The following NBEA variants were observed in gnomAD, a reference collection of about 807,000 sequenced individuals.
The protein encoded by NBEA is lysosomal-trafficking regulator 2.
Under a neutral mutation model 343.4 loss-of-function variants are expected in NBEA, and 44 were observed. That is an observed-to-expected ratio of 0.13 (90% confidence interval 0.10 to 0.16). NBEA has a LOEUF of 0.16. Among genes scored for constraint, NBEA ranks in the 10% least tolerant of loss-of-function variants. NBEA has a pLI of 1.00. For synonymous variants in NBEA, 1,175 were observed against 1,238.7 expected (o/e 0.95, Z 1.08); for missense variants, 2,555 against 3,631.3 (o/e 0.70, Z 7.62).
chr13:35,661,590 TG>T (rs1191184867), intron 55 of NBEA, among the ~76,000 whole-genome samples: 1 of 152,130 alleles, frequency 6.6e-6, no homozygotes, highest in Non-Finnish European at 1.5e-5. Context: ...ATTTGATACT[TG>T]GAACAGACCT....
chr13:35,308,756 A>G (rs1233732986), intron 35 of NBEA, among the ~76,000 whole-genome samples: 1 of 150,004 alleles, frequency 6.7e-6, no homozygotes, highest in African/African-American at 2.4e-5. Context: ...AATCACTAGC[A>G]TAAACCAAAA....
chr13:35,518,982 T>C (rs906556953), intron 41 of NBEA, among the ~76,000 whole-genome samples: 3 of 152,170 alleles, frequency 2.0e-5, no homozygotes, highest in Non-Finnish European at 2.9e-5. Context: ...TCTCTTCCCT[T>C]TGCATTAAGC....
At chr13:35,219,763 C>CT (rs957459472) in intron 33 of NBEA, among the ~76,000 whole-genome samples, 68 of 152,226 alleles carry the variant, frequency 4.5e-4, no homozygotes, top group African/African-American at 1.5e-3. Flanking sequence ...ATGTTTCCGT[C>CT]TGAGTCCAAA....
In NBEA at chr13:35,177,089, G is replaced by T; in HGVS notation, c.4648G>T (p.Val1550Phe). The change falls in exon 28 of 59, where the codon GTC becomes TTC. Residue 1550 changes from valine to phenylalanine, a missense_variant. Physicochemically the swap from Val to Phe is conservative, Grantham distance 50. Coordinates refer to ENST00000379939, the MANE Select transcript of NBEA (RefSeq NM_001385012.1). ...TGATATCAATCGCCTTCGTGCTGTT[G>T]TCTTTCGGGATGTGGTAAGTTATAC... ...DVDINRLRAV[V>F]FRDVDDSKQA... 6.3e-7 allele frequency: 1 copy of T among 1,598,530 alleles called. No homozygotes were observed.
chr13:35,156,822 G>T (rs750224450), intron 20 of NBEA, among the ~76,000 whole-genome samples: 1 of 152,132 alleles, frequency 6.6e-6, no homozygotes, highest in Non-Finnish European at 1.5e-5. Flanking sequence ...AAGGTGGTGA[G>T]AAAGTAGAGA....
intron 36 of NBEA, among the ~76,000 whole-genome samples, chr13:35,326,641 C>A (rs1258188861): frequency 6.6e-6 from 1 of 151,844 alleles, no homozygotes; most frequent in South Asian, 2.1e-4. Flanking sequence ...ATTATCTTGC[C>A]TGATTGCTCT....
intron 29 of NBEA, 123 bp from the exon 30 acceptor site, chr13:35,183,853 C>A: frequency 5.2e-6 from 3 of 580,012 alleles, no homozygotes; most frequent in Non-Finnish European, 9.1e-6. Context: ...TTCAGAGATG[C>A]ATTCGTTATT....
chr13:35,366,492 T>C (rs2041121785), intron 38 of NBEA, among the ~76,000 whole-genome samples: 1 of 151,328 alleles, frequency 6.6e-6, no homozygotes, highest in Admixed American at 6.6e-5. Context: ...TTGGTATACC[T>C]ATGATTATAA....
intron 7 of NBEA, among the ~76,000 whole-genome samples, chr13:35,056,766 G>T (rs949726133): frequency 1.3e-5 from 2 of 152,090 alleles, no homozygotes; most frequent in Non-Finnish European, 2.9e-5. Flanking sequence ...GCCTTCATAA[G>T]CAAACAAGGC....
intron 22 of NBEA, among the ~76,000 whole-genome samples, chr13:35,161,302 G>A (rs1213929874): frequency 6.6e-6 from 1 of 152,156 alleles, no homozygotes; most frequent in Non-Finnish European, 1.5e-5. Context: ...AGTACTGTAA[G>A]TGAAACAGAC....
intron 35 of NBEA, among the ~76,000 whole-genome samples, chr13:35,294,598 T>A (rs1175553202): frequency 6.6e-6 from 1 of 152,186 alleles, no homozygotes; most frequent in African/African-American, 2.4e-5. Context: ...CTACATTTTT[T>A]AAACATTTTA....
chr13:35,427,601 G>C (rs1292676627), intron 38 of NBEA, among the ~76,000 whole-genome samples: 1 of 152,220 alleles, frequency 6.6e-6, no homozygotes, highest in East Asian at 1.9e-4. Context: ...TGAGGAGGCA[G>C]TCTGCCCGTT....
At chr13:35,134,984 A>G (rs541022294) in intron 17 of NBEA, among the ~76,000 whole-genome samples, 3 of 152,070 alleles carry the variant, frequency 2.0e-5, no homozygotes, top group Non-Finnish European at 4.4e-5. Context: ...ATCATTTTCT[A>G]TATATTTTAT....
chr13:35,100,954 A>G (rs2065616597), intron 11 of NBEA, among the ~76,000 whole-genome samples: 2 of 151,858 alleles, frequency 1.3e-5, no homozygotes, highest in Admixed American at 6.6e-5. Context: ...AGATCATACA[A>G]TATTTGTCTT....
intron 48 of NBEA, among the ~76,000 whole-genome samples, chr13:35,625,616 T>C (rs2083193219): frequency 6.6e-6 from 1 of 151,966 alleles, no homozygotes; most frequent in South Asian, 2.1e-4. Flanking sequence ...TAGAGTGAGA[T>C]CCTGTCTAAA....
intron 44 of NBEA, among the ~76,000 whole-genome samples, chr13:35,563,185 C>G (rs1233946025): frequency 1.6e-5 from 2 of 124,246 alleles, no homozygotes; most frequent in Non-Finnish European, 3.9e-5. Flanking sequence ...ATAATCTCCA[C>G]ACACACAAAT....
intron 45 of NBEA, among the ~76,000 whole-genome samples, chr13:35,576,924 A>G (rs1195527734): frequency 6.6e-6 from 1 of 152,210 alleles, no homozygotes; most frequent in Non-Finnish European, 1.5e-5. Flanking sequence ...TTTTGATTAC[A>G]TATAGTAGAA....
chr13:35,183,327 A>G (rs969167823), intron 29 of NBEA, among the ~76,000 whole-genome samples: 1 of 152,052 alleles, frequency 6.6e-6, no homozygotes, highest in Admixed American at 6.6e-5. Flanking sequence ...GTACCACTGG[A>G]TTAATTTGTA....
intron 40 of NBEA, among the ~76,000 whole-genome samples, chr13:35,463,903 A>G (rs1163981767): frequency 6.6e-6 from 1 of 152,166 alleles, no homozygotes; most frequent in East Asian, 1.9e-4. Context: ...ACAAGAGGAA[A>G]GATATATTTC....
Sources: gnomAD v4.1 joint callset for allele counts (sites outside exome capture counted in the v4.1 genomes callset) on GRCh38, gnomAD v4.1.1 for gene constraint, MANE v1.5 for transcripts, NCBI Gene and HGNC (gene_info 2026-07-23, HGNC 2026-07-21) for gene names.